Variants in UBAP2 observed in about 807,000 individuals in gnomAD.
The protein encoded by UBAP2 is ubiquitin associated protein 2.
In UBAP2, 75 loss-of-function variants were observed where a neutral mutation model predicts 139.6. The ratio of observed to expected loss-of-function variants is 0.54; its 90% CI spans 0.45 to 0.65. UBAP2 has a LOEUF of 0.65. Ranked by LOEUF, UBAP2 falls within the 30% of genes least tolerant of loss-of-function variation. The probability of loss-of-function intolerance (pLI) is 0.00; values close to 1 mark genes in which losing one functional copy is unlikely to be tolerated. For synonymous variants in UBAP2, 526 were observed against 526.2 expected, an observed-to-expected ratio of 1.00 and a Z score of 0.01; for missense variants, 1,368 against 1,369.6, an observed-to-expected ratio of 1.00 and a Z score of 0.02.
At chr9:34,039,390 T>C (rs1290211176) in intron 1 of UBAP2, among the ~76,000 whole-genome samples, 5 of 152,140 alleles carry the variant, frequency 3.3e-5, no homozygotes, top group Non-Finnish European at 7.4e-5. Context: ...ATGATGACGA[T>C]GGCGGTTTTG....
chr9:34,039,847 T>TAAAAAAAAA (rs74180526), intron 1 of UBAP2, among the ~76,000 whole-genome samples: 203 of 84,330 alleles, frequency 2.4e-3, no homozygotes, highest in East Asian at 4.0e-3. Flanking sequence ...CAATAAATAC[T>TAAAAAAAAA]AAAAAAAAAA....
At chr9:33,995,722 G>A (rs1019306807) in intron 4 of UBAP2, 2 of 147,840 alleles carry the variant, frequency 1.4e-5, no homozygotes, top group Non-Finnish European at 3.0e-5. Context: ...AGCTTTAGCT[G>A]TATCCTTCTT....
intron 14 of UBAP2, among the ~76,000 whole-genome samples, chr9:33,943,994 A>G (rs915156352): frequency 3.3e-5 from 5 of 152,130 alleles, no homozygotes; most frequent in African/African-American, 1.2e-4. Flanking sequence ...GGGAGTTGTG[A>G]TGGTGGGTGG....
chr9:33,926,801 C>G lies in UBAP2; in HGVS notation c.2464-137G>C, dbSNP rs902964738. 3 of 1,043,232 alleles carry G rather than the reference C, an allele frequency of 2.9e-6. No homozygotes were observed. In the African/African-American group the frequency reaches 4.7e-5, roughly 16 times the overall value. The allele number at this position is 1,043,232 out of a possible 1,614,324, so 64.6% of individuals were successfully genotyped here. ...GGATCTGGATTAGCTGTTACGGGAA[C>G]AGATCCTGCCTTCACGGAGTCTAGA... On this transcript the variant is annotated intron_variant, in intron 21 of 28. Coordinates refer to ENST00000379238, the MANE Select transcript of UBAP2 (RefSeq NM_001370062.2).
chr9:33,941,680 C>A lies in UBAP2; in HGVS notation c.1898G>T (p.Ser633Ile), dbSNP rs1290023713. ...GGTTCCTGGAGCTGACTCTGATGAACTCACAGGGCTTTGGTATGGGATCCT... is the reference window on the plus strand; with the variant it reads ...GGTTCCTGGAGCTGACTCTGATGAAATCACAGGGCTTTGGTATGGGATCCT... The part of the protein sequence containing the change: ...HNRIPYQSPV[S>I]SSESAPGTIM... Residue 633 changes from serine (S) to isoleucine (I), a missense_variant, in exon 16 of 29, where the codon AGT (serine) becomes ATT (isoleucine). Coordinates refer to ENST00000379238, the MANE Select transcript of UBAP2 (RefSeq NM_001370062.2). The A allele has an allele frequency of 6.2e-7, 1 of 1,614,144 alleles. No homozygotes were observed. Among genetic ancestry groups the A allele is most frequent in the East Asian group, 2.2e-5 (1 of 44,876 alleles).
At chr9:34,002,635 C>A (rs1308108837) in intron 2 of UBAP2, among the ~76,000 whole-genome samples, 1 of 152,078 alleles carries the variant, frequency 6.6e-6, no homozygotes, top group Non-Finnish European at 1.5e-5. Context: ...CTCGGCCTCC[C>A]AAAGTGCTGG....
At chr9:33,960,719 G>T in intron 10 of UBAP2, 107 bp downstream of exon 10, 3 of 1,035,830 alleles carry the variant, frequency 2.9e-6, no homozygotes, top group East Asian at 4.9e-5. Context: ...GGCAGAGGTT[G>T]CAATGAGCCA....
chr9:34,036,898 G>GC (rs1826441647), intron 1 of UBAP2, among the ~76,000 whole-genome samples: 1 of 140,428 alleles, frequency 7.1e-6, no homozygotes, highest in Admixed American at 7.7e-5. Context: ...ACTGACCTCT[G>GC]CCTCCCCTCC....
chr9:34,020,545 C>CAG (rs2131293858), intron 1 of UBAP2, among the ~76,000 whole-genome samples: 1 of 151,954 alleles, frequency 6.6e-6, no homozygotes, highest in African/African-American at 2.4e-5. Flanking sequence ...AGGCTGGTCT[C>CAG]AAACTCGTGG....
intron 18 of UBAP2, among the ~76,000 whole-genome samples, 188 bp downstream of exon 18, chr9:33,933,302 C>A (rs1363762883): frequency 2.6e-5 from 4 of 152,138 alleles, no homozygotes; most frequent in Non-Finnish European, 4.4e-5. Context: ...TACAAGCAGG[C>A]AAGGTTTCCA....
At chr9:34,037,292 C>T (rs1826520219) in intron 1 of UBAP2, among the ~76,000 whole-genome samples, 1 of 151,926 alleles carries the variant, frequency 6.6e-6, no homozygotes, top group Non-Finnish European at 1.5e-5. Context: ...CCAGCCCACA[C>T]ACAGCTAATT....
chr9:33,973,334 A>C (rs569455350), intron 6 of UBAP2, 97 bp from the exon 7 acceptor site: 50 of 1,317,710 alleles, frequency 3.8e-5, no homozygotes, highest in Admixed American at 2.2e-4. Flanking sequence ...AGACAATATT[A>C]TCATTATTCC....
At position 33,922,401 on chromosome 9, in the gene UBAP2, T is replaced by C. The variant is rs753861552; in HGVS notation, c.*103A>G. On this transcript the variant is annotated 3_prime_UTR_variant, in exon 29 of 29. Transcript: ENST00000379238. The stretch of plus-strand genomic sequence containing the variant: ...TCCCCACAGAGGCATGGCTGACACA[T>C]GTCGGGAATTCTAGGAAAGGGCACT... The C allele has an allele frequency of 7.2e-6, 8 of 1,111,362 alleles. No homozygotes were observed. Among genetic ancestry groups the C allele is most frequent in the East Asian group, 2.6e-5 (1 of 38,858 alleles). 68.8% of individuals were successfully genotyped at this position (1,111,362 alleles called of 1,614,324 possible).
intron 13 of UBAP2, among the ~76,000 whole-genome samples, chr9:33,948,014 G>A (rs980816372): frequency 7.0e-6 from 1 of 142,832 alleles, no homozygotes; most frequent in African/African-American, 2.6e-5. Flanking sequence ...GTCTTAAAAT[G>A]TTTTCCACAT....
intron 1 of UBAP2, among the ~76,000 whole-genome samples, chr9:34,019,524 T>A (rs1824711224): frequency 6.6e-6 from 1 of 151,858 alleles, no homozygotes; most frequent in Admixed American, 6.6e-5. Context: ...AGGGGAAGAA[T>A]GGGGAGTTAC....
chr9:33,981,354 G>T (rs1215896432), intron 6 of UBAP2, among the ~76,000 whole-genome samples: 1 of 145,608 alleles, frequency 6.9e-6, no homozygotes, highest in Non-Finnish European at 1.5e-5. Flanking sequence ...GGAAAGATAC[G>T]ATAGTAAATA....
intron 1 of UBAP2, among the ~76,000 whole-genome samples, chr9:34,046,405 T>G (rs1484078107): frequency 1.3e-5 from 2 of 151,380 alleles, no homozygotes; most frequent in Non-Finnish European, 2.9e-5. Context: ...ATCCCAGCAC[T>G]TTGGGAGGCA....
At position 33,923,845 on chromosome 9, in the gene UBAP2, G is replaced by C. The variant is rs371013475; in HGVS notation, c.2746C>G (p.Pro916Ala). 1.3e-5 allele frequency: 21 copies of C among 1,614,088 alleles called. No individual in the cohort carries two copies. The highest frequency in any genetic ancestry group is 1.8e-5 in the Non-Finnish European group (21 of 1,180,048). ...LPPGYSYTGL[P>A]YYTGMPSAFQ... ...GCACTGGGCATGCCTGTGTAGTAGG[G>C]AAGACCAGTGTAGCTATAGCCAGGT... Residue 916 changes from proline (P) to alanine (A), a missense_variant, in exon 24 of 29, where the codon CCC becomes GCC. Coordinates refer to ENST00000379238, the MANE Select transcript of UBAP2 (RefSeq NM_001370062.2).
At chr9:34,012,015 T>C (rs1386729057) in intron 2 of UBAP2, among the ~76,000 whole-genome samples, 4 of 152,186 alleles carry the variant, frequency 2.6e-5, no homozygotes, top group Non-Finnish European at 5.9e-5. Flanking sequence ...CTACTAAGCC[T>C]GTACTCATTA....
Sources: gnomAD v4.1 joint callset for allele counts (sites outside exome capture counted in the v4.1 genomes callset) on GRCh38, gnomAD v4.1.1 for gene constraint, MANE v1.5 for transcripts, NCBI Gene and HGNC (gene_info 2026-07-23, HGNC 2026-07-21) for gene names.